Variants in RALYL observed in about 807,000 individuals in gnomAD.
RALYL encodes the protein RALY RNA binding protein like.
A neutral mutation model predicts 35.1 loss-of-function variants in RALYL; 29 were observed. The observed-to-expected ratio is 0.83, with a 90% confidence interval of 0.61 to 1.13. The LOEUF (loss-of-function observed/expected upper bound fraction) is 1.13. RALYL is among the 50% of genes most tolerant of loss of function. RALYL has a pLI of 0.00. For missense variants in RALYL, 359 were observed against 360.4 expected (o/e 1.00, Z 0.03); for synonymous variants, 120 against 127.6 (o/e 0.94, Z 0.40).
At chr8:84,545,839 T>C (rs895046220) in intron 2 of RALYL, among the ~76,000 whole-genome samples, 1 of 152,210 alleles carries the variant, frequency 6.6e-6, no homozygotes, top group Non-Finnish European at 1.5e-5. Context: ...TATTTTCTGC[T>C]TCTCAAACTA....
intron 2 of RALYL, among the ~76,000 whole-genome samples, chr8:84,537,173 A>T (rs1203249110): frequency 6.7e-6 from 1 of 149,566 alleles, no homozygotes. Flanking sequence ...AAAAAAAAAA[A>T]AAACTCTATT....
In RALYL at chr8:84,533,538, C is replaced by T. The variant is rs372420472; in HGVS notation, c.256+3961C>T. Among the ~76,000 whole-genome samples, 15 of 152,194 alleles carry T rather than the reference C, an allele frequency of 9.9e-5. No individual in the cohort carries two copies. The South Asian group carries it at 1.5e-3, about 15-fold the overall frequency. On this transcript the variant is annotated intron_variant, in intron 2 of 8. Transcript: ENST00000521268. ...ACTGTTACAATGCTTGTAAAAGATA[C>T]AATTTATGAACTTGAGAAGCCAGCT...
chr8:84,528,978 G>A (rs2059094075), intron 1 of RALYL, among the ~76,000 whole-genome samples: 1 of 152,070 alleles, frequency 6.6e-6, no homozygotes, highest in African/African-American at 2.4e-5. Context: ...GAATAAGGCA[G>A]ATTTTCCTCA....
At chr8:84,871,003 C>G (rs1044157740) in intron 6 of RALYL, among the ~76,000 whole-genome samples, 3 of 152,286 alleles carry the variant, frequency 2.0e-5, no homozygotes, top group East Asian at 1.9e-4. Context: ...TGCTGCCCCC[C>G]CATTCTAAGA....
intron 2 of RALYL, among the ~76,000 whole-genome samples, chr8:84,619,681 C>T (rs1333156311): frequency 6.6e-6 from 1 of 151,056 alleles, no homozygotes; most frequent in East Asian, 1.9e-4. Flanking sequence ...GCAGTTACTT[C>T]CTAGTCTCGA....
chr8:84,868,667 T>C (rs1008832281), intron 6 of RALYL, among the ~76,000 whole-genome samples: 2 of 152,234 alleles, frequency 1.3e-5, no homozygotes, highest in African/African-American at 2.4e-5. Context: ...TAATGAATAC[T>C]TACTGAATAA....
chr8:84,861,075 TTTTC>T lies in RALYL; in HGVS notation c.414-1218_414-1215del, dbSNP rs374588493. 2.2e-4 allele frequency among the ~76,000 whole-genome samples: 34 copies of T among 152,272 alleles called. No individual in the cohort carries two copies. In the East Asian group the frequency reaches 5.2e-3, roughly 23 times the overall value. On this transcript the variant is annotated intron_variant, in intron 5 of 8. Transcript: ENST00000521268. ...CCTATTATAGAACTTGTTTTTTTTATTTTCTTCCCATTCTAGTTTCTCATTTCTG... is the reference window on the plus strand; with the variant it reads ...CCTATTATAGAACTTGTTTTTTTTATTTCCCATTCTAGTTTCTCATTTCTG...
At chr8:84,762,720 G>C (rs1409622979) in intron 2 of RALYL, among the ~76,000 whole-genome samples, 1 of 151,978 alleles carries the variant, frequency 6.6e-6, no homozygotes, top group East Asian at 1.9e-4. Context: ...CTATAACTGG[G>C]AATCAATAAT....
intron 4 of RALYL, among the ~76,000 whole-genome samples, chr8:84,813,450 T>A (rs538517297): frequency 6.6e-6 from 1 of 152,200 alleles, no homozygotes; most frequent in Non-Finnish European, 1.5e-5. Context: ...TCTGTGATGA[T>A]CAAATTTATG....
chr8:84,856,977 G>A (rs1277734435), intron 5 of RALYL, among the ~76,000 whole-genome samples: 2 of 143,556 alleles, frequency 1.4e-5, no homozygotes, highest in African/African-American at 2.6e-5. Context: ...GCAGTGAGCC[G>A]AGATTGCGCC....
intron 1 of RALYL, among the ~76,000 whole-genome samples, chr8:84,285,233 A>G (rs534753021): frequency 6.6e-6 from 1 of 152,344 alleles, no homozygotes; most frequent in African/African-American, 2.4e-5. Context: ...AAATAACTAT[A>G]AAGATGCATT....
intron 1 of RALYL, among the ~76,000 whole-genome samples, chr8:84,337,360 G>GT: frequency 6.6e-6 from 1 of 151,246 alleles, no homozygotes; most frequent in Non-Finnish European, 1.5e-5. Context: ...TGAAATGGTA[G>GT]TTTTTTAATA....
intron 2 of RALYL, among the ~76,000 whole-genome samples, chr8:84,750,422 C>A (rs1809689121): frequency 6.6e-6 from 1 of 151,956 alleles, no homozygotes; most frequent in Non-Finnish European, 1.5e-5. Flanking sequence ...TGTTTTTACC[C>A]CTTGTGTGAT....
intron 4 of RALYL, among the ~76,000 whole-genome samples, chr8:84,848,407 A>G (rs149576969): frequency 2.6e-4 from 38 of 148,290 alleles, no homozygotes; most frequent in Non-Finnish European, 3.9e-4. Flanking sequence ...GCATATATAT[A>G]TGTGTGTGTA....
chr8:84,703,000 G>A (rs1840476234), intron 2 of RALYL, among the ~76,000 whole-genome samples: 1 of 152,094 alleles, frequency 6.6e-6, no homozygotes, highest in East Asian at 1.9e-4. Flanking sequence ...GAAGAAGAGT[G>A]GGGTGCCTGG....
rs147331612 is a variant in RALYL at position 84,921,153 on chromosome 8, G to GT, written c.*252dup. 0.11 allele frequency: 32,673 copies of GT among 290,552 alleles called. 2,271 individuals carry two copies. The highest frequency in any genetic ancestry group is 0.31 in the African/African-American group (14,057 of 44,786). The allele number at this position is 290,552 out of a possible 1,614,324, so 18.0% of individuals were successfully genotyped here. On this transcript the variant is annotated 3_prime_UTR_variant, in exon 9 of 9. Coordinates refer to ENST00000521268, the MANE Select transcript of RALYL (RefSeq NM_173848.7). ...ATGTGTTTTCCCCTTTGCTAATTAT[G>GT]TTTTTTTTTTCAGTCTTAAAATGTG...
chr8:84,352,140 C>T (rs1005543874), intron 1 of RALYL, among the ~76,000 whole-genome samples: 3 of 150,294 alleles, frequency 2.0e-5, no homozygotes, highest in African/African-American at 7.4e-5. Flanking sequence ...TTAATTCTTA[C>T]TTTGTGGGGA....
At chr8:84,760,875 G>A (rs1812516787) in intron 2 of RALYL, among the ~76,000 whole-genome samples, 1 of 152,014 alleles carries the variant, frequency 6.6e-6, no homozygotes, top group Non-Finnish European at 1.5e-5. Flanking sequence ...TTTATAATTA[G>A]ATAGTTATCT....
intron 4 of RALYL, among the ~76,000 whole-genome samples, chr8:84,813,016 C>T (rs552024833): frequency 6.6e-6 from 1 of 152,308 alleles, no homozygotes; most frequent in South Asian, 2.1e-4. Context: ...CCTCTGGCCA[C>T]CCTCCTGATG....
Sources: allele counts gnomAD v4.1 joint callset (sites outside exome capture counted in the v4.1 genomes callset), GRCh38; gene constraint gnomAD v4.1.1; transcripts MANE v1.5; gene names NCBI Gene and HGNC (gene_info 2026-07-23, HGNC 2026-07-21).